HYOU1: variants seen among roughly 807,000 people sequenced by gnomAD.
HYOU1 encodes hypoxia up-regulated protein 1.
Under a neutral mutation model 120.5 loss-of-function variants are expected in HYOU1, and 40 were observed. The ratio of observed to expected loss-of-function variants is 0.33; its 90% CI spans 0.26 to 0.43. The LOEUF (loss-of-function observed/expected upper bound fraction) is 0.43, where lower values mean the gene tolerates loss of function less well. Ranked by LOEUF, HYOU1 falls within the 20% of genes least tolerant of loss-of-function variation. The pLI, the probability that HYOU1 is intolerant of heterozygous loss-of-function variation, is 1.00. For missense variants in HYOU1, 1,085 were observed against 1,278.3 expected (o/e 0.85, Z 2.31); for synonymous variants, 501 against 479.4 (o/e 1.05, Z -0.59).
At chr11:119,046,867 T>A in intron 22 of HYOU1, 65 bp from the exon 23 acceptor site, 1 of 1,564,010 alleles carries the variant, frequency 6.4e-7, no homozygotes, top group Non-Finnish European at 8.6e-7. Flanking sequence ...CTGTCCCAGA[T>A]GGAATCACAC....
intron 8 of HYOU1, chr11:119,053,555 G>A (rs1449507500): frequency 2.0e-5 from 3 of 152,452 alleles, no homozygotes; most frequent in African/African-American, 7.2e-5. Context: ...TAATGATTAG[G>A]TTGGATTTTA....
In HYOU1 at chr11:119,048,409, C is replaced by T; in HGVS notation, c.2254-39G>A. 1 of 1,611,314 alleles carries T rather than the reference C, an allele frequency of 6.2e-7. No homozygotes were observed. Among genetic ancestry groups the T allele is most frequent in the Non-Finnish European group, 8.5e-7 (1 of 1,179,560 alleles). Reference sequence around the variant, plus strand: ...CATGTAAACACATGCACCCACAAGCCCAGAGGCAAGGCCCACAGAGCCAGG... The same window carrying T: ...CATGTAAACACATGCACCCACAAGCTCAGAGGCAAGGCCCACAGAGCCAGG... On this transcript the variant is annotated intron_variant, in intron 19 of 25. Transcript: ENST00000617285. This position sits in a 1 kb window ranked among gnomAD's most constrained non-coding sequence, Gnocchi z 4.7.
At chr11:119,046,008 G>A (rs1429266242) in intron 24 of HYOU1, among the ~76,000 whole-genome samples, 177 bp from the exon 25 acceptor site, 1 of 152,182 alleles carries the variant, frequency 6.6e-6, no homozygotes, top group African/African-American at 2.4e-5. Context: ...AGGCTGGAGT[G>A]CAGAGTGCAG....
In HYOU1 at chr11:119,045,557, G is replaced by A. The variant is rs782682283; in HGVS notation, c.*36C>T. Reference sequence around the variant, plus strand: ...TAAATAAATAGAAGTGGTGGGGGAAGGGGGTGGAGATGAATGGGGAAAACA... The same window carrying A: ...TAAATAAATAGAAGTGGTGGGGGAAAGGGGTGGAGATGAATGGGGAAAACA... On this transcript the variant is annotated 3_prime_UTR_variant, in exon 26 of 26. Transcript: ENST00000617285. 5.8e-6 allele frequency: 9 copies of A among 1,540,346 alleles called. No individual in the cohort carries two copies. Among genetic ancestry groups the A allele is most frequent in the Non-Finnish European group, 8.1e-6 (9 of 1,112,618 alleles).
At position 119,045,045 on chromosome 11, in the gene HYOU1, A is replaced by C. The variant is rs1036655892; in HGVS notation, c.*548T>G. 5.1e-5 allele frequency: 22 copies of C among 435,350 alleles called. No homozygotes were observed. The highest frequency in any genetic ancestry group is 3.8e-4 in the African/African-American group (19 of 49,860). The allele number at this position is 435,350 out of a possible 1,614,324, so 27.0% of individuals were successfully genotyped here. The stretch of plus-strand genomic sequence containing the variant: ...GGAAACCCAGGGGGAAAGGAGCTGG[A>C]TGGGAATGGGGAAGGGAGGCTCAGA... On this transcript the variant is annotated 3_prime_UTR_variant, in exon 26 of 26. Coordinates refer to ENST00000617285, the MANE Select transcript of HYOU1 (RefSeq NM_006389.5).
At position 119,054,953 on chromosome 11, in the gene HYOU1, T is replaced by C. The variant is rs2133608945; in HGVS notation, c.496+31A>G. 5 of 1,603,666 alleles carry C rather than the reference T, an allele frequency of 3.1e-6. No homozygotes were observed. The Admixed American group carries it at 6.7e-5, about 21-fold the overall frequency. The stretch of plus-strand genomic sequence containing the variant: ...TCACTGCCCTAGATCCTGGGGAGCC[T>C]GGCCCTAAGGGCCCCACCTTGACCA... On this transcript the variant is annotated intron_variant, in intron 6 of 25. Transcript: ENST00000617285.
Position 119,055,394 on chromosome 11 carries a change from T to C in HYOU1, c.265-55A>G. The C allele has an allele frequency of 1.2e-6, 2 of 1,606,898 alleles. No homozygotes were observed. Among genetic ancestry groups the C allele is most frequent in the Admixed American group, 3.3e-5 (2 of 59,788 alleles). ...TTAGGCTCCCAAGTCCACCATTACC[T>C]ACCTCTTACATCACAGAGACTGATA... is the stretch of plus-strand genomic sequence containing the variant. On this transcript the variant is annotated intron_variant, in intron 4 of 25. Transcript: ENST00000617285. The surrounding 1 kb of genome is among the most constrained non-coding windows in gnomAD (Gnocchi z 4.0).
In HYOU1 at chr11:119,051,959, A is replaced by G. The variant is rs2133589176; in HGVS notation, c.1206-8T>C. ...TTCTTCCCCAGCTCCTCCCTGGGAA[A>G]GCCCCAAGCCTCAGCACGGTCTACC... On this transcript the variant is annotated splice_polypyrimidine_tract_variant and splice_region_variant and intron_variant, in intron 11 of 25. Transcript: ENST00000617285. This position sits in a 1 kb window ranked among gnomAD's most constrained non-coding sequence, Gnocchi z 4.2. The G allele has an allele frequency of 6.2e-7, 1 of 1,614,072 alleles. No individual in the cohort carries two copies. The highest frequency in any genetic ancestry group is 8.5e-7 in the Non-Finnish European group (1 of 1,179,972).
rs1944662392 is a variant in HYOU1, at chr11:119,054,912, T to C, written c.496+72A>G. 37 of 1,483,958 alleles carry C rather than the reference T, an allele frequency of 2.5e-5. 2 individuals carry two copies. The South Asian group carries it at 4.3e-4, about 17-fold the overall frequency. The allele number at this position is 1,483,958 out of a possible 1,614,324, so 91.9% of individuals were successfully genotyped here. ...CTAAATGTTCCCTGGGAGGCAAACT[T>C]GCCCCTGTTGGAGAATCACTGCCCT... On this transcript the variant is annotated intron_variant, in intron 6 of 25. Transcript: ENST00000617285.
chr11:119,051,296 A>C lies in HYOU1; in HGVS notation c.1527-123T>G, dbSNP rs1944422580. 12 of 1,499,794 alleles carry C rather than the reference A, an allele frequency of 8.0e-6. No homozygotes were observed. The South Asian group carries it at 1.4e-4, about 17-fold the overall frequency. The allele number at this position is 1,499,794 out of a possible 1,614,324, so 92.9% of individuals were successfully genotyped here. Reference sequence around the variant, plus strand: ...CCCAAGGGCACACTCAAGAGGACGGATGCATTCTCCAGCGAAGCTGATCAT... The same window carrying C: ...CCCAAGGGCACACTCAAGAGGACGGCTGCATTCTCCAGCGAAGCTGATCAT... On this transcript the variant is annotated intron_variant, in intron 13 of 25. Transcript: ENST00000617285. This position sits in a 1 kb window ranked among gnomAD's most constrained non-coding sequence, Gnocchi z 4.2.
At position 119,049,900 on chromosome 11, in the gene HYOU1, G is replaced by A. The variant is rs1944320911; in HGVS notation, c.1666-63C>T. On this transcript the variant is annotated intron_variant, in intron 14 of 25. Coordinates refer to ENST00000617285, the MANE Select transcript of HYOU1 (RefSeq NM_006389.5). ...ATCCACCTTTTCTCCACAAACATCT[G>A]CCAAAGTGGGTGTTTGCTTATGCAC... The A allele has an allele frequency of 2.1e-6, 3 of 1,438,996 alleles. No individual in the cohort carries two copies. In the South Asian group the frequency reaches 3.4e-5, roughly 16 times the overall value. 89.1% of individuals were successfully genotyped at this position (1,438,996 alleles called of 1,614,324 possible).
chr11:119,045,306 G>C lies in HYOU1; in HGVS notation c.*287C>G. 1 of 578,990 alleles carries C rather than the reference G, an allele frequency of 1.7e-6. No homozygotes were observed. The highest frequency in any genetic ancestry group is 3.2e-6 in the Non-Finnish European group (1 of 308,158). 35.9% of individuals were successfully genotyped at this position (578,990 alleles called of 1,614,324 possible). ...CATTCTCTTCCTACCCACAGGCAAA[G>C]GATTCAGAAATTAATAGTGATTTTT... On this transcript the variant is annotated 3_prime_UTR_variant, in exon 26 of 26. Coordinates refer to ENST00000617285, the MANE Select transcript of HYOU1 (RefSeq NM_006389.5).
At chr11:119,049,388 G>T in intron 16 of HYOU1, 168 bp downstream of exon 16, 1 of 1,563,936 alleles carries the variant, frequency 6.4e-7, no homozygotes. Flanking sequence ...GAGGGGAATG[G>T]GCCTTGGGAG....
intron 14 of HYOU1, among the ~76,000 whole-genome samples, chr11:119,050,704 G>A (rs986790812): frequency 1.9e-5 from 2 of 103,042 alleles, no homozygotes; most frequent in African/African-American, 7.5e-5. Flanking sequence ...TTAAGTAACA[G>A]AGCCAAGACC....
At chr11:119,053,045 G>A in intron 8 of HYOU1, 1 of 538,424 alleles carries the variant, frequency 1.9e-6, no homozygotes, top group Non-Finnish European at 3.3e-6. Flanking sequence ...ATTCGACAGT[G>A]TTTACTGAGC....
Position 119,046,647 on chromosome 11 carries a change from C to A in HYOU1, c.2751G>T (p.Arg917=), listed in dbSNP as rs782790667. 6.2e-7 allele frequency: 1 copy of A among 1,614,070 alleles called. No individual in the cohort carries two copies. Among genetic ancestry groups the A allele is most frequent in the African/African-American group, 1.3e-5 (1 of 74,936 alleles). The change falls in exon 23 of 26, where the codon CGG becomes CGT. Residue 917 remains arginine, a synonymous_variant. Transcript: ENST00000617285. ...CCCGGGTCCCATTCTTGTCCTTAGGCCGGGGCCGGGGCTTGGTAAACTTGG... is the reference window on the plus strand; with the variant it reads ...CCCGGGTCCCATTCTTGTCCTTAGGACGGGGCCGGGGCTTGGTAAACTTGG... ...NKAKFTKPRP[R]PKDKNGTRAE...
rs1145227 is a variant in HYOU1 at position 119,052,884 on chromosome 11, C to T, written c.795-55G>A. On this transcript the variant is annotated intron_variant, in intron 8 of 25. Coordinates refer to ENST00000617285, the MANE Select transcript of HYOU1 (RefSeq NM_006389.5). The surrounding 1 kb of genome is among the most constrained non-coding windows in gnomAD (Gnocchi z 5.0). ...TGAAGAACACATGGAGTCCCCGCAT[C>T]TGCACAGGAGCCTCTCATCCCCACA... 14 of 1,506,490 alleles carry T rather than the reference C, an allele frequency of 9.3e-6. No individual in the cohort carries two copies. The highest frequency in any genetic ancestry group is 1.3e-5 in the Non-Finnish European group (14 of 1,110,690). The allele number at this position is 1,506,490 out of a possible 1,614,324, so 93.3% of individuals were successfully genotyped here.
rs546163768 is a variant in HYOU1, at chr11:119,044,901, C to G, written c.*692G>C. ...CTTCTTCACTGTGCCCCTCCCTCCT[C>G]TGGCCACTAGGGGTGGGAAATACGA... On this transcript the variant is annotated 3_prime_UTR_variant, in exon 26 of 26. Coordinates refer to ENST00000617285, the MANE Select transcript of HYOU1 (RefSeq NM_006389.5). 13 of 312,010 alleles carry G rather than the reference C, an allele frequency of 4.2e-5. No homozygotes were observed. Among genetic ancestry groups the G allele is most frequent in the Non-Finnish European group, 8.0e-5 (12 of 150,838 alleles). The allele number at this position is 312,010 out of a possible 1,614,324, so 19.3% of individuals were successfully genotyped here. A position where few individuals can be genotyped will look rare whatever the true frequency, so the allele number is the denominator to read the frequency against.
intron 8 of HYOU1, chr11:119,053,780 T>TA (rs2133601268): frequency 1.0e-5 from 2 of 190,808 alleles, no homozygotes; most frequent in Non-Finnish European, 2.2e-5. Context: ...AAAAAAAATT[T>TA]AAAAAGAGGT....
Sources: allele counts gnomAD v4.1 joint callset (sites outside exome capture counted in the v4.1 genomes callset), GRCh38; gene constraint gnomAD v4.1.1; non-coding constraint Gnocchi (gnomAD v3.1); transcripts MANE v1.5; gene names NCBI Gene and HGNC (gene_info 2026-07-23, HGNC 2026-07-21).